SLC35F2: variants seen among roughly 807,000 people sequenced by gnomAD.
SLC35F2 encodes the protein solute carrier family 35 member F2.
Under a neutral mutation model 38.1 loss-of-function variants are expected in SLC35F2, and 25 were observed. The ratio of observed to expected loss-of-function variants is 0.66; its 90% CI spans 0.48 to 0.92. The LOEUF (loss-of-function observed/expected upper bound fraction) is 0.92, where lower values mean the gene tolerates loss of function less well. Among genes scored for constraint, SLC35F2 ranks in the 40% least tolerant of loss-of-function variants. SLC35F2 has a pLI of 0.00. For missense variants in SLC35F2, 409 were observed against 452.9 expected (o/e 0.90, Z 0.88); for synonymous variants, 173 against 181.7 (o/e 0.95, Z 0.38).
chr11:107,834,187 G>A (rs522861), intron 1 of SLC35F2, among the ~76,000 whole-genome samples: 80,829 of 152,022 alleles, frequency 0.53, 22,598 homozygotes, highest in African/African-American at 0.72. Context: ...TAAGGGGTCA[G>A]TTGGAGTTTG....
chr11:107,792,970 G>A (rs1859157104), intron 7 of SLC35F2, 170 bp from the exon 8 acceptor site: 4 of 960,300 alleles, frequency 4.2e-6, no homozygotes, highest in Non-Finnish European at 5.0e-6. Flanking sequence ...AGGCTGGAGT[G>A]CAGTGGCACA....
chr11:107,846,982 T>C (rs1860112395), intron 1 of SLC35F2, among the ~76,000 whole-genome samples: 1 of 152,016 alleles, frequency 6.6e-6, no homozygotes, highest in Non-Finnish European at 1.5e-5. Flanking sequence ...TTTTAAATTA[T>C]CTGGAAAATT....
intron 1 of SLC35F2, among the ~76,000 whole-genome samples, chr11:107,829,099 C>A (rs113102644): frequency 1.8e-4 from 26 of 143,268 alleles, no homozygotes; most frequent in African/African-American, 6.5e-4. Context: ...CAGAGTGAGA[C>A]TGTCTTGGAG....
intron 1 of SLC35F2, among the ~76,000 whole-genome samples, chr11:107,851,879 C>CA (rs1329246650): frequency 1.3e-5 from 2 of 152,226 alleles, no homozygotes; most frequent in African/African-American, 2.4e-5. Flanking sequence ...CCTAACTTTA[C>CA]ATCTTTGTTT....
intron 6 of SLC35F2, 59 bp downstream of exon 6, chr11:107,804,659 C>T (rs149689966): frequency 2.5e-6 from 3 of 1,216,594 alleles, no homozygotes; most frequent in Admixed American, 3.9e-5. Flanking sequence ...GCACATATTT[C>T]TAGATGTTCA....
chr11:107,851,303 A>C (rs1860181154), intron 1 of SLC35F2, among the ~76,000 whole-genome samples: 1 of 150,958 alleles, frequency 6.6e-6, no homozygotes, highest in South Asian at 2.1e-4. Context: ...TCTTTACTAA[A>C]AATACAAAAA....
At chr11:107,800,515 T>C (rs12804516) in intron 7 of SLC35F2, among the ~76,000 whole-genome samples, 22,868 of 152,116 alleles carry the variant, frequency 0.15, 2,780 homozygotes, top group East Asian at 0.42. Context: ...CAGCCAGCAT[T>C]CTAACTATCT....
intron 1 of SLC35F2, among the ~76,000 whole-genome samples, chr11:107,852,874 CAAAAA>C: frequency 8.3e-6 from 1 of 120,980 alleles, no homozygotes. Context: ...GACTCCATCT[CAAAAA>C]AAAAAAAAAA....
chr11:107,829,976 G>A (rs1173472225), intron 1 of SLC35F2, among the ~76,000 whole-genome samples: 1 of 151,986 alleles, frequency 6.6e-6, no homozygotes, highest in Admixed American at 6.6e-5. Flanking sequence ...CAAAATCATG[G>A]TAAACCAGGC....
intron 3 of SLC35F2, chr11:107,810,407 T>C: frequency 1.0e-6 from 1 of 985,202 alleles, no homozygotes; most frequent in Non-Finnish European, 1.2e-6. Flanking sequence ...TAGTTAGAGA[T>C]CAAAGTTCCT....
chr11:107,816,031 C>CACACAA, intron 1 of SLC35F2, 66 bp from the exon 2 acceptor site: 7 of 1,429,310 alleles, frequency 4.9e-6, no homozygotes, highest in Non-Finnish European at 6.5e-6. Flanking sequence ...CACACACACA[C>CACACAA]ACACACACAC....
intron 1 of SLC35F2, among the ~76,000 whole-genome samples, chr11:107,818,840 G>A (rs1051294240): frequency 1.3e-5 from 2 of 152,084 alleles, no homozygotes; most frequent in African/African-American, 4.8e-5. Context: ...TAGCCAGGTG[G>A]TAGAAATGGA....
intron 1 of SLC35F2, among the ~76,000 whole-genome samples, chr11:107,855,841 G>A (rs1233557514): frequency 3.3e-5 from 5 of 150,634 alleles, no homozygotes; most frequent in African/African-American, 7.3e-5. Flanking sequence ...GGCCAGGCAC[G>A]GTGGCTTACG....
intron 1 of SLC35F2, among the ~76,000 whole-genome samples, chr11:107,838,920 C>A (rs1157955814): frequency 6.6e-6 from 1 of 152,098 alleles, no homozygotes; most frequent in Non-Finnish European, 1.5e-5. Context: ...TGAGCCACCA[C>A]ACCTGGCCGA....
chr11:107,853,028 G>T (rs1860213889), intron 1 of SLC35F2, among the ~76,000 whole-genome samples: 1 of 151,976 alleles, frequency 6.6e-6, no homozygotes, highest in Non-Finnish European at 1.5e-5. Flanking sequence ...AAAGTAATGT[G>T]GGTGTAGACT....
intron 3 of SLC35F2, among the ~76,000 whole-genome samples, chr11:107,809,199 G>T (rs1859443292): frequency 6.6e-6 from 1 of 151,822 alleles, no homozygotes; most frequent in Admixed American, 6.6e-5. Flanking sequence ...ATGTATTCTT[G>T]GTGGCCGGGA....
Position 107,792,691 on chromosome 11 carries a change from A to T in SLC35F2, c.1049T>A (p.Val350Asp). The T allele has an allele frequency of 6.2e-7, 1 of 1,613,922 alleles. No individual in the cohort carries two copies. The highest frequency in any genetic ancestry group is 8.5e-7 in the Non-Finnish European group (1 of 1,179,936). ...AEPAESSVPP[V>D]TSIGIDNLGL... is the part of the protein sequence containing the mutation. ...CAGGTTGTCAATCCCAATGCTGGTGACTGGAGGCACGCTGCTTTCAGCCGG... is the reference window on the plus strand; with the variant it reads ...CAGGTTGTCAATCCCAATGCTGGTGTCTGGAGGCACGCTGCTTTCAGCCGG... Residue 350 changes from valine (V) to aspartate (D), a missense_variant, in exon 8 of 8, where the codon GTC becomes GAC. Transcript: ENST00000525815.
At chr11:107,810,698 C>T (rs1156386215) in intron 3 of SLC35F2, 140 of 983,402 alleles carry the variant, frequency 1.4e-4, no homozygotes, top group Non-Finnish European at 1.7e-4. Context: ...TTCCTGAGAA[C>T]AATGCTTAGC....
At chr11:107,831,536 C>T (rs1859841673) in intron 1 of SLC35F2, among the ~76,000 whole-genome samples, 1 of 152,180 alleles carries the variant, frequency 6.6e-6, no homozygotes, top group African/African-American at 2.4e-5. Flanking sequence ...ACAAGACAAT[C>T]TTATCTGGTT....
Sources: gnomAD v4.1 joint callset for allele counts (sites outside exome capture counted in the v4.1 genomes callset) on GRCh38, gnomAD v4.1.1 for gene constraint, MANE v1.5 for transcripts, NCBI Gene and HGNC (gene_info 2026-07-23, HGNC 2026-07-21) for gene names.